Variants in FGF14 observed in about 807,000 individuals in gnomAD.
FGF14 encodes fibroblast growth factor homologous factor 4.
In FGF14, 5 loss-of-function variants were observed where a neutral mutation model predicts 25.5. The ratio of observed to expected loss-of-function variants is 0.20; its 90% CI spans 0.10 to 0.41. FGF14 has a LOEUF of 0.41. Ranked by LOEUF, FGF14 falls within the 10% of genes least tolerant of loss-of-function variation. The pLI is 1.00. For synonymous variants in FGF14, 138 were observed against 118.3 expected (o/e 1.17, Z -1.08); for missense variants, 222 against 320.1 (o/e 0.69, Z 2.34).
chr13:101,895,830 T>A (rs1264486449), intron 1 of FGF14, among the ~76,000 whole-genome samples: 1 of 152,174 alleles, frequency 6.6e-6, no homozygotes, highest in African/African-American at 2.4e-5. Flanking sequence ...TCTCACGTAT[T>A]TTTTTTACGT....
chr13:101,804,835 A>G (rs899782793), intron 3 of FGF14, among the ~76,000 whole-genome samples: 1 of 152,100 alleles, frequency 6.6e-6, no homozygotes, highest in Non-Finnish European at 1.5e-5. Context: ...AGAAAATTAT[A>G]TCTTTGATGG....
At position 102,104,721 on chromosome 13, in the gene FGF14, G is replaced by C. The variant is rs138132785; in HGVS notation, c.209-229425C>G. ...GGATCACTTGAGCCTTATAGGTAAA[G>C]GCTGCAGTGAGCTGTGATCTTGCCA... is the stretch of plus-strand genomic sequence containing the variant. On this transcript the variant is annotated intron_variant, in intron 1 of 4. Coordinates refer to the FGF14 transcript ENST00000376131. Among the ~76,000 whole-genome samples the C allele has an allele frequency of 3.7e-3, 563 of 152,272 alleles. 13 individuals are homozygous for C. The highest frequency in any genetic ancestry group is 1.0e-3 in the Non-Finnish European group (71 of 68,032).
intron 1 of FGF14, among the ~76,000 whole-genome samples, chr13:102,026,269 A>C (rs1168708673): frequency 6.6e-6 from 1 of 152,000 alleles, no homozygotes; most frequent in Non-Finnish European, 1.5e-5. Context: ...TAACAACAAC[A>C]GTGCATTCTG....
chr13:102,305,600 AAATAC>A (rs1274020030), intron 1 of FGF14, among the ~76,000 whole-genome samples: 1 of 152,154 alleles, frequency 6.6e-6, no homozygotes, highest in East Asian at 1.9e-4. Flanking sequence ...TTCCTTATAT[AAATAC>A]AAGTTTGCTA....
intron 1 of FGF14, among the ~76,000 whole-genome samples, chr13:102,043,311 C>T (rs1328020894): frequency 6.6e-6 from 1 of 152,138 alleles, no homozygotes; most frequent in Non-Finnish European, 1.5e-5. Context: ...TTTCCTCAAT[C>T]GTACTTAAAG....
chr13:102,088,486 A>C (rs2140234166), intron 1 of FGF14, among the ~76,000 whole-genome samples: 1 of 152,278 alleles, frequency 6.6e-6, no homozygotes, highest in African/African-American at 2.4e-5. Context: ...AGTACACCAA[A>C]TGCAGTGTTA....
At chr13:102,310,710 TGGGG>T (rs1449888250) in intron 1 of FGF14, among the ~76,000 whole-genome samples, 3 of 5,948 alleles carry the variant, frequency 5.0e-4, no homozygotes, top group African/African-American at 2.2e-3. Flanking sequence ...GGGGGGGGGG[TGGGG>T]GTTGTTTAAC....
At chr13:102,054,312 G>A (rs1444127272) in intron 1 of FGF14, among the ~76,000 whole-genome samples, 2 of 151,222 alleles carry the variant, frequency 1.3e-5, no homozygotes, top group African/African-American at 4.9e-5. Flanking sequence ...ATTTAGAGGA[G>A]TTCCCTCCTA....
chr13:101,911,276 G>T (rs181191057), intron 1 of FGF14, among the ~76,000 whole-genome samples: 1 of 152,186 alleles, frequency 6.6e-6, no homozygotes, highest in South Asian at 2.1e-4. Flanking sequence ...AGTGAAGCCC[G>T]TAATTGATTA....
chr13:101,947,794 T>C (rs1272902441), intron 1 of FGF14, among the ~76,000 whole-genome samples: 1 of 152,146 alleles, frequency 6.6e-6, no homozygotes, highest in Non-Finnish European at 1.5e-5. Flanking sequence ...AATGTACTCA[T>C]GTAACAAACC....
intron 1 of FGF14, among the ~76,000 whole-genome samples, chr13:102,112,699 CAAT>C (rs1224605733): frequency 6.6e-6 from 1 of 152,146 alleles, no homozygotes; most frequent in Non-Finnish European, 1.5e-5. Flanking sequence ...ATAGTAATGA[CAAT>C]AAATTAATTT....
Position 101,717,755 on chromosome 13 carries a change from G to C in FGF14, c.*5076C>G, listed in dbSNP as rs1385257897. 6.6e-6 allele frequency: 1 copy of C among 152,088 alleles called. No individual in the cohort carries two copies. Among genetic ancestry groups the C allele is most frequent in the African/African-American group, 2.4e-5 (1 of 41,430 alleles). The allele number at this position is 152,088 out of a possible 1,614,324, so 9.4% of individuals were successfully genotyped here. On this transcript the variant is annotated 3_prime_UTR_variant, in exon 5 of 5. Coordinates refer to ENST00000376143, the MANE Select transcript of FGF14 (RefSeq NM_004115.4). ...CCCAGGCCATACAAAAGCAACTTAA[G>C]GGTGGATTTGGCTGGCAGCTGGGCA...
intron 1 of FGF14, among the ~76,000 whole-genome samples, chr13:102,298,078 T>C (rs2054823994): frequency 6.6e-6 from 1 of 151,928 alleles, no homozygotes. Context: ...CTATGAAAAA[T>C]GGATTGGATG....
chr13:102,135,854 C>T (rs891580870), intron 1 of FGF14, among the ~76,000 whole-genome samples: 9 of 151,976 alleles, frequency 5.9e-5, no homozygotes, highest in African/African-American at 2.2e-4. Context: ...TAGGGTTTCG[C>T]CATGTTGGCC....
chr13:101,782,038 C>G (rs1036676787), intron 3 of FGF14, among the ~76,000 whole-genome samples: 19 of 152,094 alleles, frequency 1.2e-4, no homozygotes, highest in Non-Finnish European at 2.6e-4. Context: ...GACTTCATAA[C>G]CTTAATTTTG....
intron 3 of FGF14, among the ~76,000 whole-genome samples, chr13:101,806,037 C>T (rs771059342): frequency 1.2e-4 from 18 of 151,434 alleles, no homozygotes; most frequent in Admixed American, 3.3e-4. Context: ...CATACATATA[C>T]GTAATATATG....
rs554918943 is a variant in FGF14, at chr13:102,244,084, C to T, written c.208+157387G>A. Among the ~76,000 whole-genome samples, 3 of 152,174 alleles carry T rather than the reference C, an allele frequency of 2.0e-5. No homozygotes were observed. The South Asian group carries it at 6.2e-4, about 32-fold the overall frequency. On this transcript the variant is annotated intron_variant, in intron 1 of 4. Transcript: ENST00000376131. ...CCTTACCTATGTGATTCCTTCAAAGCTTCCCCTAAATTCTAAGTTTTAAAT... is the reference window on the plus strand; with the variant it reads ...CCTTACCTATGTGATTCCTTCAAAGTTTCCCCTAAATTCTAAGTTTTAAAT...
chr13:101,995,898 C>T (rs1199715999), intron 1 of FGF14, among the ~76,000 whole-genome samples: 3 of 151,986 alleles, frequency 2.0e-5, no homozygotes, highest in South Asian at 2.1e-4. Context: ...ATAGTTAAAG[C>T]ATACAAAAAA....
intron 3 of FGF14, among the ~76,000 whole-genome samples, chr13:101,743,035 C>T (rs2036652781): frequency 6.6e-6 from 1 of 152,298 alleles, no homozygotes; most frequent in South Asian, 2.1e-4. Context: ...ACCTGGAAGT[C>T]CCCTCCCTGC....
Sources: gnomAD v4.1 joint callset for allele counts (sites outside exome capture counted in the v4.1 genomes callset) on GRCh38, gnomAD v4.1.1 for gene constraint, MANE v1.5 for transcripts, NCBI Gene and HGNC (gene_info 2026-07-23, HGNC 2026-07-21) for gene names.